Variants in ADCY1 observed in about 807,000 individuals in gnomAD.
ADCY1 encodes adenylate cyclase 1.
In ADCY1, 28 loss-of-function variants were observed where a neutral mutation model predicts 105.4. That is an observed-to-expected ratio of 0.27 (90% CI 0.20 to 0.36). ADCY1 has a LOEUF of 0.36. Among genes scored for constraint, ADCY1 ranks in the 10% least tolerant of loss-of-function variants. ADCY1 has a pLI of 1.00. For missense variants in ADCY1, 977 were observed against 1,434.2 expected (o/e 0.68, Z 5.15); for synonymous variants, 655 against 623.8 (o/e 1.05, Z -0.75).
chr7:45,702,359 C>T (rs1363164092), intron 14 of ADCY1, among the ~76,000 whole-genome samples: 1 of 152,240 alleles, frequency 6.6e-6, no homozygotes, highest in Non-Finnish European at 1.5e-5. Context: ...GCTGCATCTG[C>T]TGGCCGGGTC....
chr7:45,700,502 G>A (rs1784976944), intron 14 of ADCY1, among the ~76,000 whole-genome samples: 1 of 152,218 alleles, frequency 6.6e-6, no homozygotes. Flanking sequence ...TTCCCAAAAG[G>A]AGGTGTTTGT....
At chr7:45,630,479 T>G (rs1794208120) in intron 4 of ADCY1, among the ~76,000 whole-genome samples, 1 of 152,176 alleles carries the variant, frequency 6.6e-6, no homozygotes, top group Non-Finnish European at 1.5e-5. Context: ...AATCCAGATA[T>G]TTGCAGAACG....
chr7:45,662,761 A>C (rs1795165472), intron 8 of ADCY1, among the ~76,000 whole-genome samples: 1 of 152,168 alleles, frequency 6.6e-6, no homozygotes, highest in African/African-American at 2.4e-5. Context: ...TCTTCTCAGC[A>C]GTCTCCACCT....
At chr7:45,619,538 A>G (rs1178073631) in intron 3 of ADCY1, among the ~76,000 whole-genome samples, 2 of 152,174 alleles carry the variant, frequency 1.3e-5, no homozygotes, top group Non-Finnish European at 1.5e-5. Flanking sequence ...AAATATTTAT[A>G]CAACATACAC....
rs181402714 is a variant in ADCY1, at chr7:45,624,225, G to A, written c.1020+1482G>A. Among the ~76,000 whole-genome samples, 34 of 152,212 alleles carry A rather than the reference G, an allele frequency of 2.2e-4. No homozygotes were observed. In the East Asian group the frequency reaches 5.1e-3, roughly 23 times the overall value. On this transcript the variant is annotated intron_variant, in intron 4 of 19. Transcript: ENST00000297323. Reference sequence around the variant, plus strand: ...GGACAGAGCCAGGCGGTAGTCACACGAGCTGAGGCCGGTGAGACTTGCCAT... The same window carrying A: ...GGACAGAGCCAGGCGGTAGTCACACAAGCTGAGGCCGGTGAGACTTGCCAT...
At chr7:45,625,597 A>G (rs1584280941) in intron 4 of ADCY1, among the ~76,000 whole-genome samples, 1 of 151,552 alleles carries the variant, frequency 6.6e-6, no homozygotes, top group East Asian at 2.0e-4. Flanking sequence ...GATGTGTTAC[A>G]TGTGTGAGTG....
intron 11 of ADCY1, among the ~76,000 whole-genome samples, chr7:45,683,234 T>A (rs771567425): frequency 8.5e-5 from 13 of 152,170 alleles, no homozygotes; most frequent in Non-Finnish European, 1.6e-4. Context: ...ATCTACATAC[T>A]TTTCCCCCAG....
intron 4 of ADCY1, among the ~76,000 whole-genome samples, 183 bp downstream of exon 4, chr7:45,622,926 G>A (rs143543840): frequency 6.6e-6 from 1 of 152,284 alleles, no homozygotes; most frequent in Non-Finnish European, 1.5e-5. Context: ...TCCTTGAACC[G>A]GAGCCTTGCA....
intron 3 of ADCY1, among the ~76,000 whole-genome samples, chr7:45,610,775 GGT>G (rs1793529898): frequency 1.9e-5 from 2 of 104,772 alleles, no homozygotes; most frequent in African/African-American, 3.5e-5. Flanking sequence ...TGATAGTGGA[GGT>G]GTGGGGGTGA....
rs77226271 is a variant in ADCY1, at chr7:45,578,302, G to T, written c.639+3120G>T. Reference sequence around the variant, plus strand: ...TTGTTCCTACCTGGGCCGGCACTGAGGGGGAGGTATCCATAAATATGTGCT... The same window carrying T: ...TTGTTCCTACCTGGGCCGGCACTGATGGGGAGGTATCCATAAATATGTGCT... On this transcript the variant is annotated intron_variant, in intron 1 of 19. Transcript: ENST00000297323. Among the ~76,000 whole-genome samples the T allele has an allele frequency of 5.9e-5, 9 of 151,660 alleles. No individual in the cohort carries two copies. The South Asian group carries it at 1.9e-3, about 31-fold the overall frequency.
chr7:45,590,719 CCTT>C (rs927347885), intron 1 of ADCY1, among the ~76,000 whole-genome samples: 5 of 152,066 alleles, frequency 3.3e-5, no homozygotes, highest in Non-Finnish European at 7.4e-5. Context: ...TTCAAGGTCA[CCTT>C]CTTGATGCTC....
At chr7:45,698,054 T>C (rs1281918089) in intron 14 of ADCY1, among the ~76,000 whole-genome samples, 1 of 152,200 alleles carries the variant, frequency 6.6e-6, no homozygotes, top group Non-Finnish European at 1.5e-5. Flanking sequence ...TCATGAGGGC[T>C]GTGGTCTGCC....
At chr7:45,656,131 C>CAA (rs200011010) in intron 5 of ADCY1, among the ~76,000 whole-genome samples, 3 of 144,176 alleles carry the variant, frequency 2.1e-5, no homozygotes, top group African/African-American at 7.7e-5. Flanking sequence ...ATTAAAAATA[C>CAA]AAAAAAAAAA....
At chr7:45,651,095 C>T (rs1388455214) in intron 5 of ADCY1, among the ~76,000 whole-genome samples, 1 of 152,166 alleles carries the variant, frequency 6.6e-6, no homozygotes, top group East Asian at 1.9e-4. Flanking sequence ...CCTCCTGTAG[C>T]TGCTGTCTGC....
At chr7:45,684,792 G>T in intron 11 of ADCY1, 187 bp from the exon 12 acceptor site, 1 of 498,840 alleles carries the variant, frequency 2.0e-6, no homozygotes. Flanking sequence ...TTTAACTTTG[G>T]CAAGCTTTTC....
intron 14 of ADCY1, among the ~76,000 whole-genome samples, chr7:45,688,312 T>C (rs1584333167): frequency 6.6e-6 from 1 of 152,240 alleles, no homozygotes; most frequent in Admixed American, 6.5e-5. Context: ...CCTGATGTCG[T>C]TGGCCACGGG....
rs756631058 is a variant in ADCY1, at chr7:45,686,228, C to G, written c.2327+13C>G. 9.7e-5 allele frequency: 156 copies of G among 1,609,548 alleles called. No individual in the cohort carries two copies. Among genetic ancestry groups the G allele is most frequent in the Non-Finnish European group, 1.2e-4 (144 of 1,177,492 alleles). On this transcript the variant is annotated intron_variant, in intron 13 of 19. Transcript: ENST00000297323. This position sits in a 1 kb window ranked among gnomAD's most constrained non-coding sequence, Gnocchi z 4.3. ...ACACCAGGACTGGGTAAGTGTGTGG[C>G]TCCTCAAGAAAAAGGCCTAAGCAGC...
chr7:45,639,086 A>G (rs1215379029), intron 4 of ADCY1, among the ~76,000 whole-genome samples: 1 of 152,162 alleles, frequency 6.6e-6, no homozygotes, highest in Non-Finnish European at 1.5e-5. Context: ...GGAAAATTAC[A>G]CACAGCTACA....
At chr7:45,606,123 G>A (rs1011299291) in intron 2 of ADCY1, among the ~76,000 whole-genome samples, 41 of 152,112 alleles carry the variant, frequency 2.7e-4, no homozygotes, top group Admixed American at 2.6e-3. Context: ...CATGGTCCCC[G>A]CTAATAGTAC....
Sources: allele counts gnomAD v4.1 joint callset (sites outside exome capture counted in the v4.1 genomes callset), GRCh38; gene constraint gnomAD v4.1.1; non-coding constraint Gnocchi (gnomAD v3.1); transcripts MANE v1.5; gene names NCBI Gene and HGNC (gene_info 2026-07-23, HGNC 2026-07-21).